Variants in GLIS3 observed in about 807,000 individuals in gnomAD.
The protein encoded by GLIS3 is GLIS family zinc finger 3.
Under a neutral mutation model 78.6 loss-of-function variants are expected in GLIS3, and 53 were observed. That is an observed-to-expected ratio of 0.67 (90% confidence interval 0.54 to 0.85). GLIS3 has a LOEUF of 0.85. Ranked by LOEUF, GLIS3 falls within the 40% of genes least tolerant of loss-of-function variation. GLIS3 has a pLI of 0.00. For missense variants in GLIS3, 1,703 were observed against 1,231.1 expected (o/e 1.38, Z -5.74); for synonymous variants, 684 against 509.9 (o/e 1.34, Z -4.60).
chr9:3,938,267 C>T (rs973701070), intron 4 of GLIS3, among the ~76,000 whole-genome samples: 7 of 152,132 alleles, frequency 4.6e-5, no homozygotes, highest in Non-Finnish European at 7.4e-5. Flanking sequence ...AAGCATAATA[C>T]ATTTAAAGCA....
intron 2 of GLIS3, among the ~76,000 whole-genome samples, chr9:4,220,877 C>A (rs1379658444): frequency 6.6e-6 from 1 of 152,082 alleles, no homozygotes; most frequent in East Asian, 1.9e-4. Flanking sequence ...CCCAGCTACT[C>A]AGGAGGCTGA....
upstream of GLIS3, among the ~76,000 whole-genome samples, chr9:4,302,860 T>C (rs1480197510): frequency 6.6e-6 from 1 of 152,188 alleles, no homozygotes; most frequent in Non-Finnish European, 1.5e-5. Context: ...TTTCCTGCAA[T>C]GTGACATGGA....
At chr9:4,463,971 T>G in the GLIS3 span, among the ~76,000 whole-genome samples, 3 of 152,140 alleles carry the variant, frequency 2.0e-5, no homozygotes, top group Non-Finnish European at 4.4e-5. Flanking sequence ...GAAAAAAAAT[T>G]TGGAATGTCA....
At chr9:4,356,932 T>C in the GLIS3 span, among the ~76,000 whole-genome samples, 1 of 152,182 alleles carries the variant, frequency 6.6e-6, no homozygotes, top group East Asian at 1.9e-4. Flanking sequence ...TTCAAAATAT[T>C]TTAATAAGTG....
chr9:4,392,715 G>C, the GLIS3 span, among the ~76,000 whole-genome samples: 1 of 152,056 alleles, frequency 6.6e-6, no homozygotes, highest in African/African-American at 2.4e-5. Context: ...TGACATTCTT[G>C]TGTTTCTGAA....
intron 2 of GLIS3, among the ~76,000 whole-genome samples, chr9:4,254,759 G>A (rs891759188): frequency 6.6e-6 from 1 of 151,672 alleles, no homozygotes. Flanking sequence ...AGAATTGCTT[G>A]AGCCTGGGAA....
intron 4 of GLIS3, among the ~76,000 whole-genome samples, chr9:4,013,675 A>G (rs1372386866): frequency 6.6e-6 from 1 of 152,194 alleles, no homozygotes; most frequent in Non-Finnish European, 1.5e-5. Context: ...AGAAAGTACT[A>G]GGCCACCTTT....
chr9:3,968,460 C>T (rs916820350), intron 4 of GLIS3, among the ~76,000 whole-genome samples: 2 of 152,088 alleles, frequency 1.3e-5, no homozygotes, highest in Non-Finnish European at 2.9e-5. Context: ...TGACTATATG[C>T]ATATGAAAAA....
chr9:3,847,204 A>C (rs1819105369), intron 9 of GLIS3, among the ~76,000 whole-genome samples: 1 of 124,560 alleles, frequency 8.0e-6, no homozygotes, highest in Non-Finnish European at 1.8e-5. Flanking sequence ...AAATTAAATA[A>C]ATACATAAAT....
the GLIS3 span, among the ~76,000 whole-genome samples, chr9:4,421,706 G>A: frequency 1.3e-5 from 2 of 152,180 alleles, no homozygotes; most frequent in Admixed American, 1.3e-4. Context: ...AACTTGTTCT[G>A]AGAATAGTGT....
At chr9:4,061,406 T>C (rs191055770) in intron 4 of GLIS3, among the ~76,000 whole-genome samples, 3 of 152,256 alleles carry the variant, frequency 2.0e-5, no homozygotes, top group East Asian at 1.9e-4. Flanking sequence ...TCCTTTTTTA[T>C]GGCTGCATAG....
At chr9:4,452,055 G>C in the GLIS3 span, among the ~76,000 whole-genome samples, 2 of 151,782 alleles carry the variant, frequency 1.3e-5, no homozygotes, top group Admixed American at 6.6e-5. Flanking sequence ...CACATAAACA[G>C]AATCAATGAC....
chr9:4,361,129 T>G, the GLIS3 span, among the ~76,000 whole-genome samples: 49 of 152,338 alleles, frequency 3.2e-4, no homozygotes, highest in African/African-American at 1.1e-3. Flanking sequence ...GATGCACTCA[T>G]TCCTGGGAGT....
chr9:4,441,344 T>C, the GLIS3 span, among the ~76,000 whole-genome samples: 6 of 152,210 alleles, frequency 3.9e-5, no homozygotes, highest in Non-Finnish European at 7.3e-5. Context: ...CCTAATTTAT[T>C]GTTAGTTTTT....
At chr9:3,989,985 G>A (rs1820090132) in intron 4 of GLIS3, among the ~76,000 whole-genome samples, 1 of 152,150 alleles carries the variant, frequency 6.6e-6, no homozygotes, top group Non-Finnish European at 1.5e-5. Context: ...AACATTGGGG[G>A]AAACTAGATA....
At chr9:4,060,331 C>A (rs140356996) in intron 4 of GLIS3, among the ~76,000 whole-genome samples, 75 of 152,312 alleles carry the variant, frequency 4.9e-4, no homozygotes, top group African/African-American at 1.6e-3. Context: ...TCCTGATTCT[C>A]CTTCTAGCCA....
the GLIS3 span, among the ~76,000 whole-genome samples, chr9:4,397,827 G>A: frequency 1.3e-5 from 2 of 151,806 alleles, no homozygotes; most frequent in South Asian, 2.1e-4. Flanking sequence ...CGAAAGCACC[G>A]CTGAGCAATC....
At chr9:4,112,403 C>A (rs541199349) in intron 4 of GLIS3, among the ~76,000 whole-genome samples, 6 of 152,306 alleles carry the variant, frequency 3.9e-5, no homozygotes, top group Middle Eastern at 6.8e-3. Flanking sequence ...TACATCCCTG[C>A]ATCTTAACAG....
intron 6 of GLIS3, chr9:3,901,174 C>T: frequency 6.3e-6 from 1 of 158,024 alleles, no homozygotes. Context: ...GTTCCACTCC[C>T]ACCGCCCTTC....
Sources: gnomAD v4.1 joint callset for allele counts (sites outside exome capture counted in the v4.1 genomes callset) on GRCh38, gnomAD v4.1.1 for gene constraint, MANE v1.5 for transcripts, NCBI Gene and HGNC (gene_info 2026-07-23, HGNC 2026-07-21) for gene names.